The following PAFAH1B1 variants were observed in gnomAD, a reference collection of about 807,000 sequenced individuals.
The protein encoded by PAFAH1B1 is platelet activating factor acetylhydrolase 1b regulatory subunit 1.
In PAFAH1B1, 2 loss-of-function variants were observed where a neutral mutation model predicts 57.5. That is an observed-to-expected ratio of 0.03 (90% CI 0.01 to 0.11). The LOEUF (loss-of-function observed/expected upper bound fraction) is 0.11. Among genes scored for constraint, PAFAH1B1 ranks in the 10% least tolerant of loss-of-function variants. PAFAH1B1 has a pLI of 1.00. For missense variants in PAFAH1B1, 257 were observed against 512.0 expected, an observed-to-expected ratio of 0.50 and a Z score of 4.81; for synonymous variants, 152 against 169.6, an observed-to-expected ratio of 0.90 and a Z score of 0.81.
At chr17:2,618,977 A>AT (rs1232975104) in intron 1 of PAFAH1B1, among the ~76,000 whole-genome samples, 1 of 143,996 alleles carries the variant, frequency 6.9e-6, no homozygotes, top group Non-Finnish European at 1.5e-5. Context: ...AAAAAAAAAA[A>AT]TTCAGAGCAA....
At position 2,638,656 on chromosome 17, in the gene PAFAH1B1, C is replaced by T. The variant is rs557276469; in HGVS notation, c.32+336C>T. The T allele has an allele frequency of 8.3e-4, 209 of 252,918 alleles. 2 individuals are homozygous for T. The highest frequency in any genetic ancestry group is 3.1e-3 in the African/African-American group (134 of 43,826). The allele number at this position is 252,918 out of a possible 1,614,324, so 15.7% of individuals were successfully genotyped here. A position where few individuals can be genotyped will look rare whatever the true frequency, so the allele number is the denominator to read the frequency against. ...CCAAGTAGCTGGGATTACAGGCACC[C>T]GCTACCATGCCTAGCTAATTTTTGT... On this transcript the variant is annotated intron_variant, in intron 2 of 10. Transcript: ENST00000397195.
At chr17:2,678,839 C>T (rs2069317030) in intron 9 of PAFAH1B1, among the ~76,000 whole-genome samples, 1 of 152,194 alleles carries the variant, frequency 6.6e-6, no homozygotes, top group Admixed American at 6.5e-5. Context: ...GAGCCGTGAT[C>T]ATGCCACTAT....
chr17:2,604,225 A>G (rs1219675278), intron 1 of PAFAH1B1, among the ~76,000 whole-genome samples: 1 of 151,406 alleles, frequency 6.6e-6, no homozygotes, highest in Middle Eastern at 3.2e-3. Context: ...TTTAGTAGAG[A>G]TGGAGTTTCA....
At chr17:2,662,466 CA>C (rs201922760) in intron 2 of PAFAH1B1, among the ~76,000 whole-genome samples, 2,475 of 149,372 alleles carry the variant, frequency 0.017, 81 homozygotes, top group African/African-American at 0.058. Context: ...TGCAGTGACG[CA>C]ATCTTGGCTC....
chr17:2,598,190 A>G (rs1197172743), intron 1 of PAFAH1B1, among the ~76,000 whole-genome samples: 3 of 152,138 alleles, frequency 2.0e-5, no homozygotes, highest in African/African-American at 7.2e-5. Flanking sequence ...TGGAGGTTGC[A>G]ATGAGCCGAG....
intron 2 of PAFAH1B1, among the ~76,000 whole-genome samples, chr17:2,662,427 G>A (rs1042212582): frequency 6.5e-5 from 6 of 91,812 alleles, no homozygotes; most frequent in Admixed American, 4.7e-4. Flanking sequence ...TGTGTGTGAC[G>A]GAGTTTCACT....
chr17:2,657,349 A>T (rs2068950206), intron 2 of PAFAH1B1, among the ~76,000 whole-genome samples: 1 of 152,080 alleles, frequency 6.6e-6, no homozygotes, highest in African/African-American at 2.4e-5. Context: ...GGTTCAAGTG[A>T]TTCTCCTGCC....
At chr17:2,671,235 G>A (rs909991650) in intron 6 of PAFAH1B1, among the ~76,000 whole-genome samples, 5 of 151,626 alleles carry the variant, frequency 3.3e-5, no homozygotes, top group African/African-American at 4.8e-5. Context: ...TTGAGACTGT[G>A]TCTCACTCTG....
intron 1 of PAFAH1B1, among the ~76,000 whole-genome samples, chr17:2,607,368 G>T (rs1436736816): frequency 6.6e-6 from 1 of 151,540 alleles, no homozygotes; most frequent in Non-Finnish European, 1.5e-5. Context: ...GTAGAGATGG[G>T]GTTTCACCAT....
rs547875850 is a variant in PAFAH1B1 at position 2,643,620 on chromosome 17, G to A, written c.32+5300G>A. 6.6e-5 allele frequency among the ~76,000 whole-genome samples: 10 copies of A among 151,532 alleles called. No homozygotes were observed. In the South Asian group the frequency reaches 1.9e-3, roughly 28 times the overall value. ...TGTTGCCCAGACTGGAGTGCAGTGG[G>A]GTGATCTCAGCTCCCTGCAACCTCT... is the stretch of plus-strand genomic sequence containing the variant. On this transcript the variant is annotated intron_variant, in intron 2 of 10. Transcript: ENST00000397195.
At chr17:2,668,691 T>C (rs1158864219) in intron 5 of PAFAH1B1, among the ~76,000 whole-genome samples, 1 of 148,096 alleles carries the variant, frequency 6.8e-6, no homozygotes, top group Non-Finnish European at 1.5e-5. Flanking sequence ...AACAAAAAAA[T>C]TGGACTGGGC....
chr17:2,595,112 T>C (rs906682701), intron 1 of PAFAH1B1, among the ~76,000 whole-genome samples: 1 of 152,150 alleles, frequency 6.6e-6, no homozygotes, highest in African/African-American at 2.4e-5. Context: ...GAGGACCAGA[T>C]TTGTGGTCTC....
chr17:2,609,792 G>A (rs932622693), intron 1 of PAFAH1B1, among the ~76,000 whole-genome samples: 7 of 151,992 alleles, frequency 4.6e-5, no homozygotes, highest in Non-Finnish European at 1.0e-4. Flanking sequence ...TTACAGGCAT[G>A]AGCCACCGCG....
chr17:2,630,290 G>A (rs192612978), intron 1 of PAFAH1B1, among the ~76,000 whole-genome samples: 2 of 152,086 alleles, frequency 1.3e-5, no homozygotes, highest in East Asian at 1.9e-4. Flanking sequence ...AGCAGTTCTT[G>A]TAATGGTGGC....
intron 1 of PAFAH1B1, among the ~76,000 whole-genome samples, chr17:2,615,440 T>A (rs990747163): frequency 6.6e-6 from 1 of 152,052 alleles, no homozygotes; most frequent in Non-Finnish European, 1.5e-5. Context: ...GTAGGAAACT[T>A]TCTTTCTTTC....
At chr17:2,627,440 A>G (rs530185172) in intron 1 of PAFAH1B1, among the ~76,000 whole-genome samples, 84 of 152,246 alleles carry the variant, frequency 5.5e-4, no homozygotes, top group African/African-American at 2.0e-3. Flanking sequence ...ATTCTGTTCC[A>G]TTGGTCTATG....
chr17:2,665,322 G>A, intron 2 of PAFAH1B1, 50 bp from the exon 3 acceptor site: 1 of 973,474 alleles, frequency 1.0e-6, no homozygotes, highest in South Asian at 1.3e-5. Flanking sequence ...TATTTCTTCA[G>A]AATAGAAATG....
intron 1 of PAFAH1B1, among the ~76,000 whole-genome samples, chr17:2,616,904 A>G (rs888961495): frequency 6.6e-6 from 1 of 151,498 alleles, no homozygotes; most frequent in African/African-American, 2.4e-5. Flanking sequence ...TCTACTAAAA[A>G]TACCAAAAAA....
At chr17:2,628,420 C>G (rs2068518441) in intron 1 of PAFAH1B1, among the ~76,000 whole-genome samples, 1 of 152,004 alleles carries the variant, frequency 6.6e-6, no homozygotes, top group African/African-American at 2.4e-5. Context: ...TAATATGAAA[C>G]CTACTTGATC....
Sources: gnomAD v4.1 joint callset for allele counts (sites outside exome capture counted in the v4.1 genomes callset) on GRCh38, gnomAD v4.1.1 for gene constraint, MANE v1.5 for transcripts, NCBI Gene and HGNC (gene_info 2026-07-23, HGNC 2026-07-21) for gene names.